Variants in RIN2 observed in about 807,000 individuals in gnomAD.
RIN2 encodes Ras and Rab interactor 2.
RIN2 carries 36 observed loss-of-function variants against 78.0 expected under a neutral mutation model. That is an observed-to-expected ratio of 0.46 (90% CI 0.35 to 0.61). The LOEUF is 0.61. Among genes scored for constraint, RIN2 ranks in the 20% least tolerant of loss-of-function variants. The pLI is 0.00. For synonymous variants in RIN2, 466 were observed against 466.8 expected (o/e 1.00, Z 0.02); for missense variants, 1,087 against 1,159.7 (o/e 0.94, Z 0.91).
In RIN2 at chr20:20,000,900, T is replaced by A. The variant is rs777070704; in HGVS notation, c.2652T>A (p.Ile884=). 3 of 1,613,258 alleles carry A rather than the reference T, an allele frequency of 1.9e-6. No homozygotes were observed. In the South Asian group the frequency reaches 3.3e-5, roughly 18 times the overall value. Residue 884 remains isoleucine (I), a synonymous_variant, in exon 13 of 13, where the codon ATT becomes ATA. Transcript: ENST00000255006. ...KRIKNDPYGI[I]FQNGEEDLTT... ...TCAAGAACGATCCTTATGGCATCATTTTCCAGAACGGGGAAGAAGACCTCA... is the reference window on the plus strand; with the variant it reads ...TCAAGAACGATCCTTATGGCATCATATTCCAGAACGGGGAAGAAGACCTCA...
At chr20:19,890,280 A>G (rs1248543060) in intron 3 of RIN2, among the ~76,000 whole-genome samples, 1 of 152,114 alleles carries the variant, frequency 6.6e-6, no homozygotes, top group Non-Finnish European at 1.5e-5. Flanking sequence ...TGGGTGTTTT[A>G]TGTACTCTGT....
At chr20:19,883,240 G>A (rs549715848) in intron 2 of RIN2, among the ~76,000 whole-genome samples, 25 of 152,284 alleles carry the variant, frequency 1.6e-4, no homozygotes, top group African/African-American at 6.0e-4. Flanking sequence ...GTGGCGAAGA[G>A]GGATGCCTCA....
chr20:19,967,503 C>T (rs981183490), intron 7 of RIN2, among the ~76,000 whole-genome samples: 2 of 152,216 alleles, frequency 1.3e-5, no homozygotes, highest in Admixed American at 1.3e-4. Flanking sequence ...TGGTGTTTCA[C>T]ACAGCATGCA....
rs115884921 is a variant in RIN2, at chr20:19,805,327, G to C, written c.-37+5580G>C. Among the ~76,000 whole-genome samples, 409 of 152,340 alleles carry C rather than the reference G, an allele frequency of 2.7e-3. 1 individual carries two copies. Among genetic ancestry groups the C allele is most frequent in the African/African-American group, 9.4e-3 (391 of 41,576 alleles). ...GCTCAATCCCACCATCACTGCGACA[G>C]ACTGTGTAGGATTCATCTTCGAATA... On this transcript the variant is annotated intron_variant, in intron 2 of 12. Coordinates refer to ENST00000255006, the MANE Select transcript of RIN2 (RefSeq NM_018993.4).
chr20:19,814,233 C>T (rs911335209), intron 2 of RIN2, among the ~76,000 whole-genome samples: 6 of 152,190 alleles, frequency 3.9e-5, no homozygotes, highest in South Asian at 2.1e-4. Flanking sequence ...GACTATCAGG[C>T]TTGGAAAAAT....
At chr20:19,956,954 T>C (rs2146238757) in intron 5 of RIN2, 147 bp downstream of exon 5, 1 of 678,312 alleles carries the variant, frequency 1.5e-6, no homozygotes, top group Non-Finnish European at 2.4e-6. Flanking sequence ...AATGCAGAAA[T>C]ATTCTGTAAA....
At chr20:19,850,268 G>A (rs1200594348) in intron 2 of RIN2, among the ~76,000 whole-genome samples, 4 of 152,122 alleles carry the variant, frequency 2.6e-5, no homozygotes, top group Non-Finnish European at 5.9e-5. Flanking sequence ...GCCCAACACA[G>A]AATCACATGA....
chr20:19,970,884 G>T lies in RIN2; in HGVS notation c.583G>T (p.Ala195Ser), dbSNP rs2042082892. Residue 195 changes from alanine (A) to serine (S), a missense_variant, in exon 8 of 13, where the codon GCC (alanine) becomes TCC (serine). Ala to Ser is a moderately conservative substitution (Grantham distance 99). Around this residue, in one of 8 missense-constraint regions of RIN2, gnomAD observed 706 missense variants for 667.5 expected, o/e 1.06. Coordinates refer to ENST00000255006, the MANE Select transcript of RIN2 (RefSeq NM_018993.4). ...GAAGTTGCCTTATGCCATTTCAACA[G>T]CCAAGTCGGAGGCTCAGCTTGAAGA... is the stretch of plus-strand genomic sequence containing the variant. ...TLKLPYAIST[A>S]KSEAQLEELA... The T allele has an allele frequency of 1.9e-6, 3 of 1,613,688 alleles. No individual in the cohort carries two copies. Among genetic ancestry groups the T allele is most frequent in the Non-Finnish European group, 2.5e-6 (3 of 1,179,768 alleles).
At chr20:19,793,366 C>T (rs56121124) in intron 1 of RIN2, among the ~76,000 whole-genome samples, 6,065 of 152,190 alleles carry the variant, frequency 0.04, 438 homozygotes, top group African/African-American at 0.14. Flanking sequence ...ACACAGGGCC[C>T]GTGGCTGCTA....
At chr20:19,832,062 C>T (rs568408421) in intron 2 of RIN2, among the ~76,000 whole-genome samples, 1 of 151,926 alleles carries the variant, frequency 6.6e-6, no homozygotes, top group Admixed American at 6.6e-5. Context: ...GCATTTCATC[C>T]GTACACTGTG....
chr20:19,757,768 G>T (rs1195320114), upstream of RIN2: 4 of 152,322 alleles, frequency 2.6e-5, no homozygotes, highest in Non-Finnish European at 5.9e-5. Flanking sequence ...AAACAAGAAA[G>T]GCAAGAATCT....
intron 2 of RIN2, among the ~76,000 whole-genome samples, chr20:19,812,429 C>T (rs2035633007): frequency 6.6e-6 from 1 of 151,540 alleles, no homozygotes; most frequent in South Asian, 2.1e-4. Context: ...GTTGTGGCAT[C>T]TTATTGTGGT....
intron 1 of RIN2, among the ~76,000 whole-genome samples, chr20:19,777,907 T>A (rs1334702754): frequency 6.6e-6 from 1 of 152,240 alleles, no homozygotes; most frequent in African/African-American, 2.4e-5. Context: ...GCTTTGGGTG[T>A]GTGATTACAA....
chr20:19,961,314 C>A (rs1461445826), intron 6 of RIN2, among the ~76,000 whole-genome samples: 1 of 152,182 alleles, frequency 6.6e-6, no homozygotes, highest in Non-Finnish European at 1.5e-5. Flanking sequence ...CAGAATCCAA[C>A]CTTTTGATGA....
intron 2 of RIN2, among the ~76,000 whole-genome samples, chr20:19,880,418 T>C (rs1032376427): frequency 8.5e-5 from 8 of 94,480 alleles, no homozygotes; most frequent in Admixed American, 1.3e-4. Flanking sequence ...TTTTTTTTTT[T>C]CTGAGACAGC....
intron 3 of RIN2, among the ~76,000 whole-genome samples, chr20:19,925,044 C>A (rs562504473): frequency 2.0e-5 from 3 of 151,552 alleles, no homozygotes; most frequent in East Asian, 3.9e-4. Flanking sequence ...CGGCCTCCCC[C>A]ACCTCTTTGT....
chr20:19,793,220 A>G (rs1326526635), intron 1 of RIN2, among the ~76,000 whole-genome samples: 1 of 152,236 alleles, frequency 6.6e-6, no homozygotes, highest in Admixed American at 6.5e-5. Context: ...TCAATATTTC[A>G]ACATATGATC....
At chr20:19,886,016 C>T (rs906974232) in intron 2 of RIN2, among the ~76,000 whole-genome samples, 3 of 151,402 alleles carry the variant, frequency 2.0e-5, no homozygotes, top group Admixed American at 6.6e-5. Context: ...GGGGAATAGG[C>T]GACGGGGGAG....
At chr20:19,967,562 G>T (rs1338517596) in intron 7 of RIN2, among the ~76,000 whole-genome samples, 1 of 152,204 alleles carries the variant, frequency 6.6e-6, no homozygotes, top group Non-Finnish European at 1.5e-5. Flanking sequence ...ATAAACATAG[G>T]ATTTGCCATA....
Sources: gnomAD v4.1 joint callset for allele counts (sites outside exome capture counted in the v4.1 genomes callset) on GRCh38, gnomAD v4.1.1 for gene constraint, gnomAD v4.1.1 regional missense constraint, MANE v1.5 for transcripts, NCBI Gene and HGNC (gene_info 2026-07-23, HGNC 2026-07-21) for gene names.